TEKT5: variants seen among roughly 807,000 people sequenced by gnomAD.
TEKT5 encodes tektin 5, also known as tektin-5.
In TEKT5, 52 loss-of-function variants were observed where a neutral mutation model predicts 48.7. That is an observed-to-expected ratio of 1.07 (90% confidence interval 0.86 to 1.35). The LOEUF is 1.35. TEKT5 is among the 40% of genes most tolerant of loss of function. TEKT5 has a pLI of 0.00. For synonymous variants in TEKT5, 318 were observed against 267.6 expected, an observed-to-expected ratio of 1.19 and a Z score of -1.84; for missense variants, 831 against 641.6, an observed-to-expected ratio of 1.30 and a Z score of -3.19.
chr16:10,642,704 C>G (rs1282038752), intron 5 of TEKT5, among the ~76,000 whole-genome samples: 1 of 152,096 alleles, frequency 6.6e-6, no homozygotes, highest in Non-Finnish European at 1.5e-5. Flanking sequence ...CTTTACTGTT[C>G]AATATTCCAC....
At chr16:10,683,784 G>A (rs535215522) in intron 3 of TEKT5, among the ~76,000 whole-genome samples, 1 of 152,104 alleles carries the variant, frequency 6.6e-6, no homozygotes, top group Non-Finnish European at 1.5e-5. Context: ...GTAGAGATGG[G>A]GTTTCATCAT....
intron 5 of TEKT5, among the ~76,000 whole-genome samples, chr16:10,674,627 A>AC (rs1261058173): frequency 6.6e-6 from 1 of 150,594 alleles, no homozygotes; most frequent in Non-Finnish European, 1.5e-5. Flanking sequence ...GAAAAAAAAA[A>AC]AAAAAAAAAA....
intron 5 of TEKT5, among the ~76,000 whole-genome samples, chr16:10,675,023 A>T (rs1302492222): frequency 6.6e-6 from 1 of 151,976 alleles, no homozygotes; most frequent in African/African-American, 2.4e-5. Flanking sequence ...CCAGGGTTTC[A>T]CCATGTTGGC....
chr16:10,675,469 G>GTC (rs1898628006), intron 5 of TEKT5, among the ~76,000 whole-genome samples: 1 of 152,112 alleles, frequency 6.6e-6, no homozygotes, highest in African/African-American at 2.4e-5. Context: ...CGACAGAATC[G>GTC]GGCAGTGCTG....
intron 3 of TEKT5, among the ~76,000 whole-genome samples, chr16:10,687,584 CT>C (rs1898885486): frequency 6.6e-6 from 1 of 152,206 alleles, no homozygotes; most frequent in African/African-American, 2.4e-5. Context: ...AAAACACTGT[CT>C]CTACTAAAAA....
intron 5 of TEKT5, among the ~76,000 whole-genome samples, chr16:10,652,795 C>T (rs1898188401): frequency 8.0e-6 from 1 of 124,890 alleles, no homozygotes; most frequent in Admixed American, 8.1e-5. Context: ...CACACACACA[C>T]CCTCCAGGCC....
intron 5 of TEKT5, among the ~76,000 whole-genome samples, chr16:10,660,381 C>T (rs1463202878): frequency 6.6e-6 from 1 of 152,128 alleles, no homozygotes; most frequent in Admixed American, 6.5e-5. Context: ...CCCCCCACCC[C>T]ACCCCCACCT....
chr16:10,652,791 CA>C (rs1264131688), intron 5 of TEKT5, among the ~76,000 whole-genome samples: 16 of 134,196 alleles, frequency 1.2e-4, no homozygotes, highest in Admixed American at 4.5e-4. Context: ...CACACACACA[CA>C]CACCCTCCAG....
At chr16:10,666,837 G>C (rs556284670) in intron 5 of TEKT5, among the ~76,000 whole-genome samples, 2 of 152,296 alleles carry the variant, frequency 1.3e-5, no homozygotes, top group Admixed American at 1.3e-4. Context: ...ACTGATGCGG[G>C]TGTGTTTTCC....
intron 5 of TEKT5, 145 bp downstream of exon 5, chr16:10,675,814 G>A (rs2142301204): frequency 1.3e-6 from 1 of 752,598 alleles, no homozygotes; most frequent in Non-Finnish European, 2.2e-6. Flanking sequence ...CCCCTTTTAG[G>A]AAGAAAAAGA....
intron 6 of TEKT5, among the ~76,000 whole-genome samples, chr16:10,632,851 A>G (rs532192456): frequency 8.2e-5 from 12 of 146,072 alleles, no homozygotes; most frequent in Non-Finnish European, 1.8e-4. Flanking sequence ...AAACCAAAAC[A>G]CAACATACAC....
intron 5 of TEKT5, among the ~76,000 whole-genome samples, chr16:10,660,681 G>C (rs891136071): frequency 3.3e-5 from 5 of 150,694 alleles, no homozygotes; most frequent in Admixed American, 2.0e-4. Context: ...GTGTGTGTGT[G>C]TGTGTGTGTG....
chr16:10,672,895 C>T (rs1190758544), intron 5 of TEKT5, among the ~76,000 whole-genome samples: 1 of 150,962 alleles, frequency 6.6e-6, no homozygotes, highest in African/African-American at 2.4e-5. Context: ...CTCTGTTGTC[C>T]AGGTTGGATG....
At position 10,687,590 on chromosome 16, in the gene TEKT5, T is replaced by C. The variant is rs143684809; in HGVS notation, c.719+1663A>G. Among the ~76,000 whole-genome samples the C allele has an allele frequency of 3.4e-3, 523 of 152,276 alleles. 1 individual carries two copies. Among genetic ancestry groups the C allele is most frequent in the African/African-American group, 0.012 (498 of 41,568 alleles). On this transcript the variant is annotated intron_variant, in intron 3 of 6. Coordinates refer to ENST00000283025, the MANE Select transcript of TEKT5 (RefSeq NM_144674.2). ...CAACATGGCAAAACACTGTCTCTACTAAAAATACATAAAATAGCTGAGTGT... is the reference window on the plus strand; with the variant it reads ...CAACATGGCAAAACACTGTCTCTACCAAAAATACATAAAATAGCTGAGTGT...
intron 1 of TEKT5, among the ~76,000 whole-genome samples, chr16:10,690,978 A>G (rs577155236): frequency 1.5e-4 from 23 of 152,332 alleles, no homozygotes; most frequent in African/African-American, 5.1e-4. Flanking sequence ...GGGATAGCAC[A>G]ACGAACCAGG....
chr16:10,645,404 C>A (rs1898054966), intron 5 of TEKT5, among the ~76,000 whole-genome samples: 1 of 151,844 alleles, frequency 6.6e-6, no homozygotes, highest in African/African-American at 2.4e-5. Context: ...CCCAGCTACT[C>A]AGGAGGCTGA....
At chr16:10,686,265 A>G (rs532716396) in intron 3 of TEKT5, among the ~76,000 whole-genome samples, 62 of 152,270 alleles carry the variant, frequency 4.1e-4, no homozygotes, top group African/African-American at 1.4e-3. Context: ...TTAGAGCCCT[A>G]TCTCACACTG....
rs137866906 is a variant in TEKT5 at position 10,653,067 on chromosome 16, G to A, written c.1087-17149C>T. Among the ~76,000 whole-genome samples the A allele has an allele frequency of 9.4e-3, 1,427 of 152,330 alleles. 20 individuals carry two copies. Among genetic ancestry groups the A allele is most frequent in the African/African-American group, 0.033 (1,352 of 41,574 alleles). ...GTCCCCACTGCAGGTCCCCTCCCCAGGGATGTTAACCTTCCTGTTCCCATG... is the reference window on the plus strand; with the variant it reads ...GTCCCCACTGCAGGTCCCCTCCCCAAGGATGTTAACCTTCCTGTTCCCATG... On this transcript the variant is annotated intron_variant, in intron 5 of 6. Transcript: ENST00000283025.
At chr16:10,674,617 GAAAAAAAAAA>G (rs57583870) in intron 5 of TEKT5, among the ~76,000 whole-genome samples, 4 of 74,734 alleles carry the variant, frequency 5.4e-5, no homozygotes, top group South Asian at 9.6e-4. Context: ...GATCATCTCA[GAAAAAAAAAA>G]AAAAAAAAAA....
Sources: allele counts gnomAD v4.1 joint callset (sites outside exome capture counted in the v4.1 genomes callset), GRCh38; gene constraint gnomAD v4.1.1; transcripts MANE v1.5; gene names NCBI Gene and HGNC (gene_info 2026-07-23, HGNC 2026-07-21).